PCDH9: variants seen among roughly 807,000 people sequenced by gnomAD.
PCDH9 encodes the protein protocadherin 9, also known as protocadherin-9.
In PCDH9, 24 loss-of-function variants were observed where a neutral mutation model predicts 70.6. That is an observed-to-expected ratio of 0.34 (90% CI 0.25 to 0.48). PCDH9 has a LOEUF of 0.48. Among genes scored for constraint, PCDH9 ranks in the 20% least tolerant of loss-of-function variants. The pLI is 0.99. For synonymous variants in PCDH9, 562 were observed against 558.5 expected, an observed-to-expected ratio of 1.01 and a Z score of -0.09; for missense variants, 1,281 against 1,503.6, an observed-to-expected ratio of 0.85 and a Z score of 2.45.
chr13:67,207,905 A>G (rs1444055205), intron 2 of PCDH9: 3 of 152,174 alleles, frequency 2.0e-5, no homozygotes, highest in African/African-American at 7.2e-5. Flanking sequence ...GTTATGTAAC[A>G]TTGCTTTTGT....
intron 2 of PCDH9, among the ~76,000 whole-genome samples, chr13:67,179,055 A>T (rs1050607567): frequency 6.6e-6 from 1 of 152,096 alleles, no homozygotes; most frequent in African/African-American, 2.4e-5. Flanking sequence ...CCCCAATTAA[A>T]CACAGTTGTG....
At chr13:66,822,330 A>G (rs922090565) in intron 3 of PCDH9, among the ~76,000 whole-genome samples, 1 of 152,136 alleles carries the variant, frequency 6.6e-6, no homozygotes, top group Non-Finnish European at 1.5e-5. Flanking sequence ...GTTAAATGAA[A>G]GTTAAAATGA....
chr13:67,192,647 G>A (rs1192826199), intron 2 of PCDH9, among the ~76,000 whole-genome samples: 1 of 152,114 alleles, frequency 6.6e-6, no homozygotes, highest in East Asian at 1.9e-4. Context: ...TAAAATAGAA[G>A]GAAGGCTGAA....
chr13:66,954,824 C>T (rs950177645), intron 2 of PCDH9, among the ~76,000 whole-genome samples: 2 of 152,192 alleles, frequency 1.3e-5, no homozygotes, highest in African/African-American at 4.8e-5. Flanking sequence ...AGTGCAGTGG[C>T]GTGATCTCAG....
chr13:66,626,552 C>T (rs1406593490), intron 4 of PCDH9, among the ~76,000 whole-genome samples: 1 of 152,108 alleles, frequency 6.6e-6, no homozygotes, highest in Non-Finnish European at 1.5e-5. Context: ...GAGAATATTG[C>T]ACTTCCTTTT....
chr13:66,505,226 G>T (rs777356830), intron 4 of PCDH9, among the ~76,000 whole-genome samples: 8 of 151,842 alleles, frequency 5.3e-5, no homozygotes, highest in Admixed American at 3.3e-4. Context: ...TTCTCACACC[G>T]CTAATAAAGA....
intron 4 of PCDH9, among the ~76,000 whole-genome samples, chr13:66,511,453 C>CAAAG (rs986170255): frequency 9.9e-5 from 15 of 151,898 alleles, no homozygotes; most frequent in African/African-American, 3.6e-4. Flanking sequence ...ATTATTAATG[C>CAAAG]AAAGCACTTA....
chr13:66,896,921 C>A (rs942701923), intron 3 of PCDH9, among the ~76,000 whole-genome samples: 2 of 152,162 alleles, frequency 1.3e-5, no homozygotes. Context: ...CCAACACACA[C>A]CAACACATCA....
chr13:66,763,953 A>G (rs376372316), intron 3 of PCDH9, among the ~76,000 whole-genome samples: 7 of 151,790 alleles, frequency 4.6e-5, no homozygotes, highest in African/African-American at 1.7e-4. Context: ...TGCCCACCAC[A>G]ACACTCGACT....
At chr13:66,848,130 T>C (rs541351566) in intron 3 of PCDH9, among the ~76,000 whole-genome samples, 3 of 152,312 alleles carry the variant, frequency 2.0e-5, no homozygotes, top group Admixed American at 1.3e-4. Flanking sequence ...AAGCAAGTAA[T>C]ATTTGAATAA....
intron 2 of PCDH9, among the ~76,000 whole-genome samples, chr13:67,085,007 T>A: frequency 8.2e-6 from 1 of 122,362 alleles, no homozygotes; most frequent in African/African-American, 3.0e-5. Flanking sequence ...AATATATATA[T>A]ATATATATAT....
At chr13:67,144,036 T>G (rs1217114652) in intron 2 of PCDH9, among the ~76,000 whole-genome samples, 1 of 152,058 alleles carries the variant, frequency 6.6e-6, no homozygotes, top group Non-Finnish European at 1.5e-5. Flanking sequence ...CAAAACTATC[T>G]CAAAGAAATT....
chr13:67,061,089 T>A (rs972806959), intron 2 of PCDH9, among the ~76,000 whole-genome samples: 28 of 152,212 alleles, frequency 1.8e-4, no homozygotes, highest in African/African-American at 5.1e-4. Context: ...TGATGTCAGA[T>A]GAAATATGGA....
At chr13:66,848,064 T>G (rs1464674654) in intron 3 of PCDH9, among the ~76,000 whole-genome samples, 1 of 152,188 alleles carries the variant, frequency 6.6e-6, no homozygotes, top group African/African-American at 2.4e-5. Context: ...TACCCATGGC[T>G]TATAAGAAAC....
chr13:66,791,768 T>C (rs1349332099), intron 3 of PCDH9, among the ~76,000 whole-genome samples: 1 of 152,164 alleles, frequency 6.6e-6, no homozygotes, highest in Non-Finnish European at 1.5e-5. Flanking sequence ...CTAATAACAT[T>C]TGTTGTGATT....
At chr13:66,420,540 C>T (rs372022849) in intron 4 of PCDH9, among the ~76,000 whole-genome samples, 1 of 152,160 alleles carries the variant, frequency 6.6e-6, no homozygotes, top group Non-Finnish European at 1.5e-5. Context: ...CCCAGGCAAA[C>T]AAGGCATGGA....
chr13:66,537,101 A>T (rs76364688), intron 4 of PCDH9, among the ~76,000 whole-genome samples: 3,465 of 152,246 alleles, frequency 0.023, 130 homozygotes, highest in African/African-American at 0.078. Flanking sequence ...AACTGAATGC[A>T]TAGCTATCAA....
chr13:66,972,559 C>G (rs948325095), intron 2 of PCDH9, among the ~76,000 whole-genome samples: 4 of 151,872 alleles, frequency 2.6e-5, no homozygotes, highest in African/African-American at 4.8e-5. Flanking sequence ...TTCTCCTCAC[C>G]AAGCATATCT....
At chr13:66,752,371 G>A (rs1179256929) in intron 3 of PCDH9, among the ~76,000 whole-genome samples, 25 of 151,960 alleles carry the variant, frequency 1.6e-4, no homozygotes, top group East Asian at 1.9e-4. Context: ...ATCTTGGCTC[G>A]CTGCAGCCTT....
Sources: gnomAD v4.1 joint callset for allele counts (sites outside exome capture counted in the v4.1 genomes callset) on GRCh38, gnomAD v4.1.1 for gene constraint, MANE v1.5 for transcripts, NCBI Gene and HGNC (gene_info 2026-07-23, HGNC 2026-07-21) for gene names.